SPTBN4: variants seen among roughly 807,000 people sequenced by gnomAD.
The protein encoded by SPTBN4 is spectrin beta chain, non-erythrocytic 4.
In SPTBN4, 96 loss-of-function variants were observed where a neutral mutation model predicts 277.8. That is an observed-to-expected ratio of 0.35 (90% confidence interval 0.29 to 0.41). SPTBN4 has a LOEUF of 0.41. Among genes scored for constraint, SPTBN4 ranks in the 10% least tolerant of loss-of-function variants. The probability of loss-of-function intolerance (pLI) is 1.00; values close to 1 mark genes in which losing one functional copy is unlikely to be tolerated. For synonymous variants in SPTBN4, 1,481 were observed against 1,580.3 expected (o/e 0.94, Z 1.49); for missense variants, 3,006 against 3,595.7 (o/e 0.84, Z 4.19).
intron 20 of SPTBN4, among the ~76,000 whole-genome samples, chr19:40,543,920 T>C (rs1200157637): frequency 6.6e-6 from 1 of 152,228 alleles, no homozygotes; most frequent in African/African-American, 2.4e-5. Flanking sequence ...TAAATTTTCA[T>C]GGTGAAGACA....
chr19:40,534,564 G>T lies in SPTBN4; in HGVS notation c.4359+221G>T. The stretch of plus-strand genomic sequence containing the variant: ...TATGGAGTACAAAGGGAAAAGGAAG[G>T]ATCTAGAGCCACAAAGCAGTAGGTA... On this transcript the variant is annotated intron_variant, in intron 20 of 35. Coordinates refer to ENST00000598249, the MANE Select transcript of SPTBN4 (RefSeq NM_020971.3). The T allele has an allele frequency of 5.0e-6, 3 of 595,748 alleles. No individual in the cohort carries two copies. The South Asian group carries it at 6.5e-5, about 13-fold the overall frequency. The allele number at this position is 595,748 out of a possible 1,614,324, so 36.9% of individuals were successfully genotyped here.
At chr19:40,546,008 C>G (rs2092063997) in intron 20 of SPTBN4, among the ~76,000 whole-genome samples, 1 of 148,288 alleles carries the variant, frequency 6.7e-6, no homozygotes, top group South Asian at 2.1e-4. Flanking sequence ...CAAGATAGCA[C>G]CATTGCACTC....
At chr19:40,498,789 C>A (rs1449416256) in intron 7 of SPTBN4, among the ~76,000 whole-genome samples, 1 of 151,882 alleles carries the variant, frequency 6.6e-6, no homozygotes, top group Non-Finnish European at 1.5e-5. Context: ...GCAACCTCCA[C>A]CTCACAGGCT....
chr19:40,480,143 C>T (rs756219666), intron 2 of SPTBN4, among the ~76,000 whole-genome samples: 1 of 151,152 alleles, frequency 6.6e-6, no homozygotes, highest in South Asian at 2.1e-4. Context: ...CCCAGCTGCA[C>T]GTGAGGCTGA....
intron 1 of SPTBN4, among the ~76,000 whole-genome samples, chr19:40,470,755 C>T (rs1040923255): frequency 3.9e-5 from 6 of 152,110 alleles, no homozygotes; most frequent in African/African-American, 1.4e-4. Flanking sequence ...CCCTCAGCCT[C>T]CTGAGTAGCT....
At chr19:40,501,291 G>A (rs2080260723) in intron 7 of SPTBN4, among the ~76,000 whole-genome samples, 1 of 152,000 alleles carries the variant, frequency 6.6e-6, no homozygotes, top group Admixed American at 6.6e-5. Context: ...TGGGAATTAG[G>A]AACACAGAAG....
rs368715725 is a variant in SPTBN4 at position 40,477,025 on chromosome 19, TTTATTA to T, written c.169+4255_169+4260del. On this transcript the variant is annotated intron_variant, in intron 2 of 35. Coordinates refer to ENST00000598249, the MANE Select transcript of SPTBN4 (RefSeq NM_020971.3). ...TGTACCACCACTCCCAGCTGTAGAA[TTTATTA>T]TTATTATTATTATTATTATCATTAT... is the stretch of plus-strand genomic sequence containing the variant. Among the ~76,000 whole-genome samples, 11 of 147,578 alleles carry T rather than the reference TTTATTA, an allele frequency of 7.5e-5. No individual in the cohort carries two copies. The South Asian group carries it at 8.7e-4, about 12-fold the overall frequency.
chr19:40,468,660 A>G (rs1415658822), intron 1 of SPTBN4, among the ~76,000 whole-genome samples: 1 of 152,176 alleles, frequency 6.6e-6, no homozygotes, highest in Non-Finnish European at 1.5e-5. Flanking sequence ...GATTATAAGC[A>G]TGAGCCACCG....
At position 40,570,725 on chromosome 19, in the gene SPTBN4, A is replaced by G; in HGVS notation, c.7316A>G (p.Asn2439Ser). The G allele has an allele frequency of 6.2e-7, 1 of 1,607,382 alleles. No individual in the cohort carries two copies. The highest frequency in any genetic ancestry group is 8.5e-7 in the Non-Finnish European group (1 of 1,177,502). Residue 2439 changes from asparagine to serine, a missense_variant, in exon 33 of 36, where the codon AAC becomes AGC. By Grantham distance (46) the Asn-to-Ser change is conservative (BLOSUM62 1). Transcript: ENST00000598249. Reference sequence around the variant, plus strand: ...CTCGACGCTAACCGCAAGTCGTCCAACCGGTGAGCGTGTGGGCGGGGCTTT... The same window carrying G: ...CTCGACGCTAACCGCAAGTCGTCCAGCCGGTGAGCGTGTGGGCGGGGCTTT... Reference protein sequence around the residue: ...RELDANRKSSNRSWVSLYCVL... With the variant: ...RELDANRKSSSRSWVSLYCVL...
chr19:40,518,891 A>C (rs1225673672), intron 15 of SPTBN4, among the ~76,000 whole-genome samples: 1 of 152,186 alleles, frequency 6.6e-6, no homozygotes, highest in Non-Finnish European at 1.5e-5. Flanking sequence ...TGGGCAACAT[A>C]GTGAGATCTC....
chr19:40,482,147 G>C (rs1222735588), intron 2 of SPTBN4, among the ~76,000 whole-genome samples: 3 of 151,804 alleles, frequency 2.0e-5, no homozygotes, highest in African/African-American at 7.3e-5. Context: ...ATGTTGGCCA[G>C]GCTGGTCTCG....
Position 40,554,549 on chromosome 19 carries a change from C to A in SPTBN4, c.4987C>A (p.His1663Asn). 6.7e-7 allele frequency: 1 copy of A among 1,499,378 alleles called. No homozygotes were observed. Among genetic ancestry groups the A allele is most frequent in the Non-Finnish European group, 8.9e-7 (1 of 1,120,702 alleles). 92.9% of individuals were successfully genotyped at this position (1,499,378 alleles called of 1,614,324 possible). ...GAGCACCCTGCAGCTGCTCAAGAAACACCTGCAGCTGGAGCAAGGCGTGGA... is the reference window on the plus strand; with the variant it reads ...GAGCACCCTGCAGCTGCTCAAGAAAAACCTGCAGCTGGAGCAAGGCGTGGA... ...EQSTLQLLKK[H>N]LQLEQGVENY... Residue 1663 changes from histidine (H) to asparagine (N), a missense_variant, in exon 24 of 36, where the codon CAC becomes AAC. Transcript: ENST00000598249. This position sits in a 1 kb window ranked among gnomAD's most constrained non-coding sequence, Gnocchi z 5.7.
At position 40,556,179 on chromosome 19, in the gene SPTBN4, A is replaced by G. The variant is rs1265902685; in HGVS notation, c.5180A>G (p.Tyr1727Cys). 2.5e-6 allele frequency: 4 copies of G among 1,613,424 alleles called. No homozygotes were observed. The highest frequency in any genetic ancestry group is 2.7e-5 in the African/African-American group (2 of 74,902). ...CGCCGGGTGGCTCTGGAACAGCAGT[A>G]CTGGCTGTACCAGCTCAGCCGCCAG... ...EERRVALEQQ[Y>C]WLYQLSRQVS... Residue 1727 changes from tyrosine to cysteine, a missense_variant, in exon 25 of 36, where the codon TAC becomes TGC. By Grantham distance (194) the Tyr-to-Cys change is radical. Coordinates refer to ENST00000598249, the MANE Select transcript of SPTBN4 (RefSeq NM_020971.3).
At chr19:40,493,240 C>T (rs910694114) in intron 5 of SPTBN4, among the ~76,000 whole-genome samples, 186 bp downstream of exon 5, 8 of 152,160 alleles carry the variant, frequency 5.3e-5, no homozygotes, top group Non-Finnish European at 1.5e-5. Flanking sequence ...TCCTTCCTAA[C>T]ATGCTAGAAG....
At chr19:40,568,769 G>A (rs555656829) in intron 31 of SPTBN4, among the ~76,000 whole-genome samples, 4 of 152,360 alleles carry the variant, frequency 2.6e-5, no homozygotes, top group Admixed American at 2.6e-4. Flanking sequence ...CAGCTTAAAC[G>A]AACCAGGACT....
intron 19 of SPTBN4, among the ~76,000 whole-genome samples, chr19:40,533,134 G>C (rs2080697224): frequency 6.6e-6 from 1 of 152,126 alleles, no homozygotes; most frequent in South Asian, 2.1e-4. Context: ...GAAGCCCAGG[G>C]TTAAAGTAAA....
chr19:40,569,032 G>C (rs1165836), intron 31 of SPTBN4, among the ~76,000 whole-genome samples: 90,491 of 151,922 alleles, frequency 0.6, 27,947 homozygotes, highest in African/African-American at 0.66. Flanking sequence ...AATGATGACC[G>C]AGAATTATCT....
chr19:40,473,592 G>A (rs2079912611), intron 2 of SPTBN4, among the ~76,000 whole-genome samples: 1 of 147,660 alleles, frequency 6.8e-6, no homozygotes, highest in Non-Finnish European at 1.5e-5. Context: ...CCCAACCTCA[G>A]GTGATCCACA....
intron 33 of SPTBN4, 125 bp from the exon 34 acceptor site, chr19:40,571,894 C>T (rs1390504637): frequency 4.3e-5 from 49 of 1,137,738 alleles, no homozygotes; most frequent in Non-Finnish European, 5.6e-5. Flanking sequence ...CCAACTAGGG[C>T]GCAACTAGGG....
Sources: allele counts gnomAD v4.1 joint callset (sites outside exome capture counted in the v4.1 genomes callset), GRCh38; gene constraint gnomAD v4.1.1; non-coding constraint Gnocchi (gnomAD v3.1); transcripts MANE v1.5; gene names NCBI Gene and HGNC (gene_info 2026-07-23, HGNC 2026-07-21).